The following ATM variants were observed in gnomAD, a reference collection of about 807,000 sequenced individuals.
ATM encodes the protein ATM serine/threonine kinase.
A neutral mutation model predicts 387.0 loss-of-function variants in ATM; 308 were observed. That is an observed-to-expected ratio of 0.80 (90% CI 0.73 to 0.87). The LOEUF (loss-of-function observed/expected upper bound fraction) is 0.87, where lower values mean the gene tolerates loss of function less well. ATM is among the 40% of genes least tolerant of loss of function. The pLI is 0.00. For synonymous variants in ATM, 1,156 were observed against 1,187.3 expected, an observed-to-expected ratio of 0.97 and a Z score of 0.54; for missense variants, 3,312 against 3,560.9, an observed-to-expected ratio of 0.93 and a Z score of 1.78.
chr11:108,254,110 T>C, intron 13 of ATM, 71 bp downstream of exon 13: 5 of 1,463,494 alleles, frequency 3.4e-6, no homozygotes, highest in Non-Finnish European at 4.7e-6. Context: ...GAAGGAGAAA[T>C]AGGGGCAGGA....
intron 6 of ATM, 88 bp downstream of exon 6, chr11:108,244,206 A>T: frequency 6.9e-7 from 1 of 1,455,318 alleles, no homozygotes; most frequent in South Asian, 1.2e-5. Flanking sequence ...TAAAAATTCT[A>T]CCTTAAAATA....
At chr11:108,339,743 C>G (rs1260566484) in intron 56 of ATM, among the ~76,000 whole-genome samples, 1 of 152,106 alleles carries the variant, frequency 6.6e-6, no homozygotes, top group African/African-American at 2.4e-5. Context: ...GATTCCCCCT[C>G]CCCGCCCCAG....
intron 15 of ATM, 46 bp from the exon 16 acceptor site, chr11:108,258,940 G>T (rs2135419680): frequency 6.7e-7 from 1 of 1,485,046 alleles, no homozygotes; most frequent in Non-Finnish European, 9.4e-7. Flanking sequence ...AAGAATAATT[G>T]TTTTTATTTC....
At chr11:108,322,916 C>A (rs886728038) in intron 45 of ATM, among the ~76,000 whole-genome samples, 2 of 151,664 alleles carry the variant, frequency 1.3e-5, no homozygotes, top group East Asian at 3.9e-4. Flanking sequence ...TGTGTAAGGG[C>A]AGCCTTGAGT....
chr11:108,358,175 A>G (rs1305949354), intron 61 of ATM, among the ~76,000 whole-genome samples: 2 of 151,802 alleles, frequency 1.3e-5, no homozygotes, highest in Non-Finnish European at 2.9e-5. Flanking sequence ...CGATGCGATC[A>G]ACTGGAAGAA....
At chr11:108,304,145 A>G (rs1565480839) in intron 36 of ATM, among the ~76,000 whole-genome samples, 1 of 152,204 alleles carries the variant, frequency 6.6e-6, no homozygotes, top group Non-Finnish European at 1.5e-5. Flanking sequence ...TTTGGAATAT[A>G]CCACAAATAA....
At chr11:108,307,226 T>C (rs1329402749) in intron 37 of ATM, among the ~76,000 whole-genome samples, 1 of 151,932 alleles carries the variant, frequency 6.6e-6, no homozygotes, top group Admixed American at 6.6e-5. Flanking sequence ...CTCGGCTCAC[T>C]GCAACCTCTG....
chr11:108,317,542 T>A, intron 43 of ATM, 21 bp downstream of exon 43: 2 of 1,573,366 alleles, frequency 1.3e-6, no homozygotes, highest in South Asian at 1.1e-5. Context: ...TGACTTGATT[T>A]TTTTTTTTTT....
At chr11:108,298,943 C>T (rs1408569494) in intron 33 of ATM, among the ~76,000 whole-genome samples, 1 of 152,094 alleles carries the variant, frequency 6.6e-6, no homozygotes, top group Non-Finnish European at 1.5e-5. Flanking sequence ...ACGATAGCAT[C>T]TAAAAGAAAT....
At chr11:108,223,624 G>C (rs534021623) in intron 1 of ATM, 2 of 152,348 alleles carry the variant, frequency 1.3e-5, no homozygotes, top group Admixed American at 6.5e-5. Context: ...GTCTTGTGAA[G>C]ATAAGTGAGA....
intron 56 of ATM, among the ~76,000 whole-genome samples, chr11:108,336,763 C>T (rs78515145): frequency 0.013 from 1,954 of 152,226 alleles, 52 homozygotes; most frequent in African/African-American, 0.044. Flanking sequence ...TGGGAGTGTA[C>T]CCACTTACAT....
At chr11:108,237,990 G>A (rs562356697) in intron 5 of ATM, among the ~76,000 whole-genome samples, 12 of 142,160 alleles carry the variant, frequency 8.4e-5, no homozygotes, top group African/African-American at 2.9e-4. Flanking sequence ...GCAGTGGCAC[G>A]ATCTCACCTC....
Position 108,235,720 on chromosome 11 carries a change from G to C in ATM, c.382G>C (p.Val128Leu), listed in dbSNP as rs587779835. The C allele has an allele frequency of 6.2e-7, 1 of 1,612,428 alleles. No homozygotes were observed. The highest frequency in any genetic ancestry group is 1.7e-5 in the Admixed American group (1 of 60,010). Residue 128 changes from valine to leucine, a missense_variant, in exon 5 of 63, where the codon GTG becomes CTG. Physicochemically the swap from Val to Leu is conservative, Grantham distance 32 (BLOSUM62 1). Transcript: ENST00000675843. ...ACTCTTAAATTATATCATGGATACA[G>C]TGAAAGATTCATCTAATGGTGCTAT... ...QELLNYIMDTVKDSSNGAIYG... is the reference protein window; with the variant it reads ...QELLNYIMDTLKDSSNGAIYG...
rs587782298 is a variant in ATM, at chr11:108,268,542, G to C, written c.2771G>C (p.Arg924Pro). ...NTVSFRAADI[R>P]RKLLMLIDSS... ...GTGTCCTTTAGGGCAGCTGATATTCGGAGGAAATTGTTAATGTTAATTGAT... is the reference window on the plus strand; with the variant it reads ...GTGTCCTTTAGGGCAGCTGATATTCCGAGGAAATTGTTAATGTTAATTGAT... The change falls in exon 18 of 63, where the codon CGG (arginine) becomes CCG (proline). Residue 924 changes from arginine to proline, a missense_variant. This residue lies in a region of ATM where 1,791 missense variants were observed against 1,804.5 expected (regional missense o/e 0.99). Transcript: ENST00000675843. 6.2e-7 allele frequency: 1 copy of C among 1,613,960 alleles called. No individual in the cohort carries two copies. Among genetic ancestry groups the C allele is most frequent in the South Asian group, 1.1e-5 (1 of 91,072 alleles).
rs201719927 is a variant in ATM at position 108,250,816 on chromosome 11, C to T, written c.1351C>T (p.Arg451Cys). ...TCTACCCCAACAGCGACATGGGGAA[C>T]GTACACCATATGTGTTACGATGCCT... ...QLLPQQRHGE[R>C]TPYVLRCLTE... The change falls in exon 10 of 63, where the codon CGT becomes TGT. Residue 451 changes from arginine to cysteine, a missense_variant. Around this residue, in one of 4 missense-constraint regions of ATM, gnomAD observed 1,791 missense variants for 1,804.5 expected, o/e 0.99. Transcript: ENST00000675843. 102 of 1,613,956 alleles carry T rather than the reference C, an allele frequency of 6.3e-5. No individual in the cohort carries two copies. The highest frequency in any genetic ancestry group is 5.2e-4 in the South Asian group (47 of 91,078).
In ATM at chr11:108,312,448, A is replaced by G. The variant is rs876660935; in HGVS notation, c.5956A>G (p.Ile1986Val). ...AFEEGSQSTTISSLSEKSKEE... is the reference protein window; with the variant it reads ...AFEEGSQSTTVSSLSEKSKEE... The stretch of plus-strand genomic sequence containing the variant: ...TGAAGAAGGAAGCCAGAGTACAACT[A>G]TTTCTAGCTTGAGTGAAAAAAGTAA... The change falls in exon 40 of 63, where the codon ATT (isoleucine) becomes GTT (valine). Residue 1986 changes from isoleucine to valine, a missense_variant. Physicochemically the swap from Ile to Val is conservative, Grantham distance 29. Around this residue, in one of 4 missense-constraint regions of ATM, gnomAD observed 1,405 missense variants for 1,604.4 expected, o/e 0.88. Coordinates refer to ENST00000675843, the MANE Select transcript of ATM (RefSeq NM_000051.4). 3 of 1,596,496 alleles carry G rather than the reference A, an allele frequency of 1.9e-6. No homozygotes were observed. Among genetic ancestry groups the G allele is most frequent in the Non-Finnish European group, 2.6e-6 (3 of 1,164,272 alleles).
rs2136218502 is a variant in ATM at position 108,319,955 on chromosome 11, A to G, written c.6349A>G (p.Lys2117Glu). 6.2e-7 allele frequency: 1 copy of G among 1,606,472 alleles called. No individual in the cohort carries two copies. The highest frequency in any genetic ancestry group is 2.2e-5 in the East Asian group (1 of 44,724). The change falls in exon 44 of 63, where the codon AAA becomes GAA. Residue 2117 changes from lysine (K) to glutamate (E), a missense_variant and splice_region_variant. By Grantham distance (56) the Lys-to-Glu change is moderately conservative (BLOSUM62 1). This residue lies in a region of ATM where 1,405 missense variants were observed against 1,604.4 expected (regional missense o/e 0.88). Coordinates refer to ENST00000675843, the MANE Select transcript of ATM (RefSeq NM_000051.4). ...TTTTTTCTTTGACTTATCTCACAGC[A>G]AAGAAGTAGAAGGAACCAGTTACCA... ...MQWDHCTSVSKEVEGTSYHES... is the reference protein window; with the variant it reads ...MQWDHCTSVSEEVEGTSYHES...
chr11:108,350,432 G>C (rs1411878518), intron 59 of ATM, among the ~76,000 whole-genome samples: 1 of 152,174 alleles, frequency 6.6e-6, no homozygotes, highest in Admixed American at 6.5e-5. Flanking sequence ...GTTTTGATTA[G>C]AATGTACAAT....
chr11:108,255,951 A>G (rs533168827), intron 13 of ATM, among the ~76,000 whole-genome samples: 2 of 152,140 alleles, frequency 1.3e-5, no homozygotes, highest in Admixed American at 1.3e-4. Flanking sequence ...TTAAGGGCCT[A>G]TGTGTACAGT....
Sources: gnomAD v4.1 joint callset for allele counts (sites outside exome capture counted in the v4.1 genomes callset) on GRCh38, gnomAD v4.1.1 for gene constraint, gnomAD v4.1.1 regional missense constraint, MANE v1.5 for transcripts, NCBI Gene and HGNC (gene_info 2026-07-23, HGNC 2026-07-21) for gene names.